The following NSUN6 variants were observed in gnomAD, a reference collection of about 807,000 sequenced individuals.
NSUN6 encodes the protein tRNA (cytosine(72)-C(5))-methyltransferase NSUN6.
NSUN6 carries 64 observed loss-of-function variants against 58.0 expected under a neutral mutation model. The ratio of observed to expected loss-of-function variants is 1.10; its 90% CI spans 0.90 to 1.36. The LOEUF (loss-of-function observed/expected upper bound fraction) is 1.36. NSUN6 is among the 40% of genes most tolerant of loss of function. The probability of loss-of-function intolerance (pLI) is 0.00; values close to 1 mark genes in which losing one functional copy is unlikely to be tolerated. For missense variants in NSUN6, 701 were observed against 550.1 expected, an observed-to-expected ratio of 1.27 and a Z score of -2.74; for synonymous variants, 231 against 193.9, an observed-to-expected ratio of 1.19 and a Z score of -1.59.
intron 2 of NSUN6, among the ~76,000 whole-genome samples, chr10:18,644,853 A>C (rs1239167117): frequency 6.0e-5 from 9 of 150,214 alleles, no homozygotes; most frequent in East Asian, 5.9e-4. Flanking sequence ...AAAAAAACAA[A>C]AAAAAAAAAC....
chr10:18,580,013 C>T (rs886210498), intron 8 of NSUN6, among the ~76,000 whole-genome samples: 3 of 152,124 alleles, frequency 2.0e-5, no homozygotes, highest in Non-Finnish European at 2.9e-5. Context: ...GCACCTGTAA[C>T]TACACCTAGG....
At chr10:18,605,699 C>T (rs2058024415) in intron 6 of NSUN6, among the ~76,000 whole-genome samples, 1 of 152,174 alleles carries the variant, frequency 6.6e-6, no homozygotes, top group African/African-American at 2.4e-5. Flanking sequence ...AGATATGACA[C>T]TCTGAGGCTT....
intron 3 of NSUN6, among the ~76,000 whole-genome samples, chr10:18,622,051 CACACACACAG>C (rs2058626546): frequency 4.6e-5 from 7 of 152,078 alleles, no homozygotes; most frequent in African/African-American, 1.7e-4. Flanking sequence ...CACACACACA[CACACACACAG>C]ACACACACAC....
intron 8 of NSUN6, among the ~76,000 whole-genome samples, chr10:18,554,174 C>A (rs572605202): frequency 7.1e-6 from 1 of 140,192 alleles, no homozygotes; most frequent in African/African-American, 2.7e-5. Context: ...GGAATGGAAT[C>A]AAGAATGGAA....
At chr10:18,640,122 C>T (rs1473447999) in intron 3 of NSUN6, among the ~76,000 whole-genome samples, 3 of 152,154 alleles carry the variant, frequency 2.0e-5, no homozygotes, top group South Asian at 4.1e-4. Context: ...AATCGTGGAA[C>T]GATATCCATT....
chr10:18,632,264 T>A (rs2131490480), intron 3 of NSUN6, among the ~76,000 whole-genome samples: 1 of 150,596 alleles, frequency 6.6e-6, no homozygotes, highest in East Asian at 2.0e-4. Context: ...TCAAGATGGA[T>A]TAAAGACTTA....
intron 7 of NSUN6, among the ~76,000 whole-genome samples, chr10:18,592,593 C>G (rs1301753449): frequency 6.6e-6 from 1 of 152,094 alleles, no homozygotes; most frequent in African/African-American, 2.4e-5. Flanking sequence ...CTTTGACAAA[C>G]CTGACAAAAA....
Position 18,596,030 on chromosome 10 carries a change from T to A in NSUN6, c.777+178A>T, listed in dbSNP as rs200748440. Among the ~76,000 whole-genome samples, 5 of 152,256 alleles carry A rather than the reference T, an allele frequency of 3.3e-5. No individual in the cohort carries two copies. In the East Asian group the frequency reaches 9.6e-4, roughly 29 times the overall value. On this transcript the variant is annotated intron_variant, in intron 7 of 10. Transcript: ENST00000377304. ...AAAATTCAAGACGGTCTTGAGACAG[T>A]CTTCATAAATGATCATTGTCTACTG... is the stretch of plus-strand genomic sequence containing the variant.
Position 18,548,103 on chromosome 10 carries a change from T to C in NSUN6, c.1197+9A>G, listed in dbSNP as rs770824192. ...CTTATTACACAGAGAAAAATGAAAT[T>C]ACTCCTACCTGGGGCTGAAGCTGAA... On this transcript the variant is annotated intron_variant, in intron 10 of 10. Transcript: ENST00000377304. 6.8e-5 allele frequency: 110 copies of C among 1,612,984 alleles called. No individual in the cohort carries two copies. Among genetic ancestry groups the C allele is most frequent in the Non-Finnish European group, 8.9e-5 (105 of 1,179,540 alleles).
intron 8 of NSUN6, among the ~76,000 whole-genome samples, chr10:18,565,191 C>T (rs2055835128): frequency 1.3e-5 from 2 of 151,162 alleles, no homozygotes; most frequent in Non-Finnish European, 3.0e-5. Context: ...TCCATTATTT[C>T]CATTCTCCAT....
At chr10:18,579,870 T>G (rs7919487) in intron 8 of NSUN6, among the ~76,000 whole-genome samples, 33,213 of 152,020 alleles carry the variant, frequency 0.22, 4,040 homozygotes, top group South Asian at 0.35. Context: ...AAGGCAATCA[T>G]ATGTGCATTT....
In NSUN6 at chr10:18,651,567, G is replaced by T; in HGVS notation, c.-364C>A. ...CAGTAAGCCAGGCTGACAGCAGCTC[G>T]GTCCCTTTATCTTTTCTATCAATTT... On this transcript the variant is annotated 5_prime_UTR_variant, in exon 1 of 11. Transcript: ENST00000377304. 7 of 998,930 alleles carry T rather than the reference G, an allele frequency of 7.0e-6. No homozygotes were observed. The highest frequency in any genetic ancestry group is 8.3e-6 in the Non-Finnish European group (7 of 839,084). The allele number at this position is 998,930 out of a possible 1,614,324, so 61.9% of individuals were successfully genotyped here.
intron 8 of NSUN6, among the ~76,000 whole-genome samples, chr10:18,553,859 T>C (rs941515696): frequency 8.5e-4 from 125 of 147,144 alleles, no homozygotes; most frequent in African/African-American, 2.9e-3. Context: ...TGGAATGGAA[T>C]AGAATGAAGA....
chr10:18,603,822 T>C (rs1265764090), intron 6 of NSUN6, among the ~76,000 whole-genome samples: 1 of 152,116 alleles, frequency 6.6e-6, no homozygotes, highest in Non-Finnish European at 1.5e-5. Flanking sequence ...ATCCTTCTTT[T>C]ATATTTAATA....
chr10:18,550,188 C>T (rs2054515836), intron 9 of NSUN6, among the ~76,000 whole-genome samples: 1 of 152,232 alleles, frequency 6.6e-6, no homozygotes, highest in African/African-American at 2.4e-5. Flanking sequence ...CTAATAAGAA[C>T]AGAAATCCAA....
At chr10:18,577,533 C>G (rs2056711091) in intron 8 of NSUN6, among the ~76,000 whole-genome samples, 1 of 152,138 alleles carries the variant, frequency 6.6e-6, no homozygotes, top group Non-Finnish European at 1.5e-5. Context: ...CCTTAACTAT[C>G]TCCACCTTAT....
chr10:18,570,795 A>G (rs529451993), intron 8 of NSUN6, among the ~76,000 whole-genome samples: 1 of 136,084 alleles, frequency 7.3e-6, no homozygotes, highest in Non-Finnish European at 1.6e-5. Flanking sequence ...TCCATTCTCC[A>G]TACCATCCTC....
intron 3 of NSUN6, among the ~76,000 whole-genome samples, chr10:18,622,623 T>A (rs1471129498): frequency 6.6e-6 from 1 of 152,166 alleles, no homozygotes; most frequent in African/African-American, 2.4e-5. Context: ...GGCAGGATAA[T>A]CGCTTGAACA....
intron 7 of NSUN6, among the ~76,000 whole-genome samples, chr10:18,588,145 C>G (rs1242147788): frequency 1.3e-5 from 2 of 152,314 alleles, no homozygotes; most frequent in East Asian, 1.9e-4. Flanking sequence ...GCTAAGGAGA[C>G]TGGGAGGTTT....
Sources: allele counts gnomAD v4.1 joint callset (sites outside exome capture counted in the v4.1 genomes callset), GRCh38; gene constraint gnomAD v4.1.1; transcripts MANE v1.5; gene names NCBI Gene and HGNC (gene_info 2026-07-23, HGNC 2026-07-21).